The following ITPRID1 variants were observed in gnomAD, a reference collection of about 807,000 sequenced individuals.
ITPRID1 encodes the protein protein ITPRID1.
A neutral mutation model predicts 95.4 loss-of-function variants in ITPRID1; 96 were observed. The ratio of observed to expected loss-of-function variants is 1.01; its 90% CI spans 0.85 to 1.19. ITPRID1 has a LOEUF of 1.19. Ranked by LOEUF, ITPRID1 falls within the 50% of genes most tolerant of loss-of-function variation. The pLI is 0.00. For missense variants in ITPRID1, 1,339 were observed against 1,252.9 expected (o/e 1.07, Z -1.04); for synonymous variants, 510 against 453.6 (o/e 1.12, Z -1.58).
At chr7:31,597,239 C>T (rs769878734) in intron 10 of ITPRID1, among the ~76,000 whole-genome samples, 1 of 151,914 alleles carries the variant, frequency 6.6e-6, no homozygotes, top group African/African-American at 2.4e-5. Flanking sequence ...AGGAATACAA[C>T]CTGCCCACAT....
chr7:31,581,180 A>T (rs183795102), intron 9 of ITPRID1, among the ~76,000 whole-genome samples: 5 of 152,328 alleles, frequency 3.3e-5, no homozygotes, highest in African/African-American at 1.2e-4. Context: ...TTAAATATCT[A>T]GTTATCAGAA....
rs1791282947 is a variant in ITPRID1 at position 31,655,918 on chromosome 7, G to A, written c.*3089G>A. 2.0e-6 allele frequency: 2 copies of A among 985,456 alleles called. No homozygotes were observed. The highest frequency in any genetic ancestry group is 3.5e-5 in the African/African-American group (2 of 57,340). The allele number at this position is 985,456 out of a possible 1,614,324, so 61.0% of individuals were successfully genotyped here. ...GATGTCCCTCACCTGGCAGCCATCT[G>A]CTTTACCAGTCTCATTTCCTGCTCA... On this transcript the variant is annotated 3_prime_UTR_variant, in exon 15 of 15. Coordinates refer to ENST00000615280, the MANE Select transcript of ITPRID1 (RefSeq NM_001257967.3).
chr7:31,631,594 C>A (rs532328666), intron 10 of ITPRID1, among the ~76,000 whole-genome samples: 3 of 151,888 alleles, frequency 2.0e-5, no homozygotes, highest in African/African-American at 7.3e-5. Flanking sequence ...TTTACAGAAG[C>A]GGATTTTTCT....
At chr7:31,628,454 TTTTTTTC>T (rs1023893951) in intron 10 of ITPRID1, among the ~76,000 whole-genome samples, 2 of 149,420 alleles carry the variant, frequency 1.3e-5, no homozygotes, top group African/African-American at 5.0e-5. Flanking sequence ...ATTCCTTTTT[TTTTTTTC>T]TTTTTTTTTC....
At chr7:31,522,583 C>A (rs1783300277) in intron 1 of ITPRID1, among the ~76,000 whole-genome samples, 1 of 152,190 alleles carries the variant, frequency 6.6e-6, no homozygotes, top group Non-Finnish European at 1.5e-5. Flanking sequence ...CAGATGCATT[C>A]TTTCGAGGAT....
intron 10 of ITPRID1, among the ~76,000 whole-genome samples, chr7:31,622,648 G>A (rs2128180871): frequency 6.6e-6 from 1 of 152,058 alleles, no homozygotes; most frequent in East Asian, 1.9e-4. Flanking sequence ...GCCCACAAGA[G>A]AAAGCAGGAA....
intron 12 of ITPRID1, among the ~76,000 whole-genome samples, chr7:31,648,644 G>A (rs1054054944): frequency 6.6e-6 from 1 of 152,110 alleles, no homozygotes; most frequent in Non-Finnish European, 1.5e-5. Context: ...CAATGTTTAT[G>A]ATGTTCAGCC....
chr7:31,516,031 T>A (rs979088757), intron 1 of ITPRID1, among the ~76,000 whole-genome samples: 12 of 152,150 alleles, frequency 7.9e-5, no homozygotes, highest in Non-Finnish European at 1.8e-4. Flanking sequence ...AACATTGACC[T>A]TGCAGCAAAT....
chr7:31,583,096 A>G, intron 9 of ITPRID1, 38 bp from the exon 10 acceptor site: 4 of 1,495,158 alleles, frequency 2.7e-6, no homozygotes, highest in Non-Finnish European at 3.7e-6. Context: ...TTTATTTGAC[A>G]AAATTTCTAA....
At chr7:31,565,754 A>AAAAT (rs1251169301) in intron 5 of ITPRID1, among the ~76,000 whole-genome samples, 4 of 152,066 alleles carry the variant, frequency 2.6e-5, no homozygotes, top group African/African-American at 7.2e-5. Flanking sequence ...ATAAAAAATA[A>AAAAT]AAAAGTACAG....
At chr7:31,591,498 G>A (rs1785863218) in intron 10 of ITPRID1, among the ~76,000 whole-genome samples, 1 of 152,222 alleles carries the variant, frequency 6.6e-6, no homozygotes, top group South Asian at 2.1e-4. Context: ...CGAGTATTTT[G>A]AAGATAAAAA....
chr7:31,585,650 T>A (rs1785564680), intron 10 of ITPRID1, among the ~76,000 whole-genome samples: 1 of 152,082 alleles, frequency 6.6e-6, no homozygotes, highest in Admixed American at 6.5e-5. Context: ...TATACTAACA[T>A]GATAAGGTAA....
At chr7:31,658,547 G>A (rs567920305), downstream of ITPRID1, 59 of 460,220 alleles carry the variant, frequency 1.3e-4, no homozygotes, top group East Asian at 1.7e-3. Context: ...GGTTGCATAC[G>A]TAATTTCAAA....
At chr7:31,588,109 A>C (rs992463188) in intron 10 of ITPRID1, among the ~76,000 whole-genome samples, 8 of 152,196 alleles carry the variant, frequency 5.3e-5, no homozygotes, top group Admixed American at 2.6e-4. Context: ...GATGCTAAGT[A>C]ACTCCTAATG....
intron 10 of ITPRID1, among the ~76,000 whole-genome samples, chr7:31,613,694 T>A (rs1042885135): frequency 1.3e-5 from 2 of 152,194 alleles, no homozygotes; most frequent in Non-Finnish European, 2.9e-5. Flanking sequence ...GTTTTGTTTC[T>A]ATCTAAAGCC....
rs1187344261 is a variant in ITPRID1, at chr7:31,552,136, G to A, written c.-23-866G>A. Among the ~76,000 whole-genome samples, 2 of 143,118 alleles carry A rather than the reference G, an allele frequency of 1.4e-5. 1 individual carries two copies. Among genetic ancestry groups the A allele is most frequent in the Non-Finnish European group, 3.1e-5 (2 of 63,548 alleles). The allele number at this position is 143,118 out of a possible 152,430, so 93.9% of individuals were successfully genotyped here. ...GCTGTGTCCTGCTCTTACTCTGCTA[G>A]TTTTACAGGTTGTTCATGAAGGTCA... On this transcript the variant is annotated intron_variant, in intron 2 of 14. Transcript: ENST00000615280.
intron 1 of ITPRID1, among the ~76,000 whole-genome samples, chr7:31,521,615 TTTCCCTCCTTCCTTCCTTCCTTCC>T (rs571609913): frequency 0.12 from 14,632 of 121,812 alleles, 1,080 homozygotes; most frequent in East Asian, 0.29. Context: ...CTTTTTCTCC[TTTCCCTCCTTCCTTCCTTCCTTCC>T]TTCCTTCCTT....
At chr7:31,641,798 C>T (rs1454412655) in intron 10 of ITPRID1, among the ~76,000 whole-genome samples, 4 of 152,176 alleles carry the variant, frequency 2.6e-5, no homozygotes, top group Non-Finnish European at 5.9e-5. Flanking sequence ...TATACACACA[C>T]ACAAATATAT....
At chr7:31,616,408 A>ACCACCTGTCTTAG (rs1354860891) in intron 10 of ITPRID1, among the ~76,000 whole-genome samples, 1 of 93,472 alleles carries the variant, frequency 1.1e-5, no homozygotes, top group Non-Finnish European at 2.1e-5. Flanking sequence ...AATCATCCCT[A>ACCACCTGTCTTAG]CCACCTGTCT....
Sources: gnomAD v4.1 joint callset for allele counts (sites outside exome capture counted in the v4.1 genomes callset) on GRCh38, gnomAD v4.1.1 for gene constraint, MANE v1.5 for transcripts, NCBI Gene and HGNC (gene_info 2026-07-23, HGNC 2026-07-21) for gene names.